Variants in TAF3 observed in about 807,000 individuals in gnomAD.
The protein encoded by TAF3 is transcription initiation factor TFIID subunit 3.
Under a neutral mutation model 80.6 loss-of-function variants are expected in TAF3, and 7 were observed. The ratio of observed to expected loss-of-function variants is 0.09; its 90% CI spans 0.05 to 0.16. The LOEUF is 0.16. Ranked by LOEUF, TAF3 falls within the 10% of genes least tolerant of loss-of-function variation. TAF3 has a pLI of 1.00. For synonymous variants in TAF3, 444 were observed against 446.1 expected (o/e 1.00, Z 0.06); for missense variants, 921 against 1,140.2 (o/e 0.81, Z 2.77).
intron 3 of TAF3, among the ~76,000 whole-genome samples, chr10:7,968,501 T>G (rs115013134): frequency 1.2e-4 from 18 of 152,352 alleles, no homozygotes; most frequent in African/African-American, 4.1e-4. Context: ...TTTTTTAGCT[T>G]CTTTAATCCT....
intron 2 of TAF3, among the ~76,000 whole-genome samples, chr10:7,887,550 C>G (rs1837420076): frequency 6.6e-6 from 1 of 151,984 alleles, no homozygotes; most frequent in Non-Finnish European, 1.5e-5. Flanking sequence ...GATGAGAGAG[C>G]AGAGTAGATG....
At chr10:7,820,658 C>T (rs2131095003) in intron 1 of TAF3, among the ~76,000 whole-genome samples, 1 of 152,242 alleles carries the variant, frequency 6.6e-6, no homozygotes, top group East Asian at 1.9e-4. Flanking sequence ...CCATGCCTGG[C>T]TAATCTTTTT....
intron 2 of TAF3, among the ~76,000 whole-genome samples, chr10:7,856,926 G>A (rs1482674730): frequency 6.7e-6 from 1 of 148,896 alleles, no homozygotes; most frequent in Non-Finnish European, 1.5e-5. Context: ...ATAAAAATGT[G>A]TAGTAAAACA....
chr10:7,852,140 A>G (rs1404894790), intron 2 of TAF3, among the ~76,000 whole-genome samples: 1 of 152,062 alleles, frequency 6.6e-6, no homozygotes, highest in African/African-American at 2.4e-5. Context: ...GCTGGAGTGC[A>G]GTGGTGTGAT....
chr10:7,865,433 C>T (rs1837201954), intron 2 of TAF3, among the ~76,000 whole-genome samples: 1 of 152,036 alleles, frequency 6.6e-6, no homozygotes, highest in Non-Finnish European at 1.5e-5. Context: ...GAGCCGAGAT[C>T]GCGCCTCTGC....
chr10:7,929,748 G>T (rs1837851298), intron 2 of TAF3, among the ~76,000 whole-genome samples: 1 of 152,070 alleles, frequency 6.6e-6, no homozygotes, highest in Non-Finnish European at 1.5e-5. Flanking sequence ...CAATAAATAA[G>T]AATATGGAGT....
At chr10:7,902,953 G>A (rs907458826) in intron 2 of TAF3, among the ~76,000 whole-genome samples, 4 of 151,928 alleles carry the variant, frequency 2.6e-5, no homozygotes, top group Admixed American at 1.3e-4. Context: ...AGTCATGCTT[G>A]TGCTCACCTA....
intron 6 of TAF3, 95 bp downstream of exon 6, chr10:8,013,932 C>A: frequency 2.8e-6 from 3 of 1,078,346 alleles, no homozygotes; most frequent in South Asian, 1.3e-5. Flanking sequence ...TGCCTTTGGA[C>A]TGACCCAGGG....
At chr10:7,824,065 A>G (rs958387336) in intron 1 of TAF3, among the ~76,000 whole-genome samples, 1 of 152,040 alleles carries the variant, frequency 6.6e-6, no homozygotes, top group East Asian at 1.9e-4. Context: ...AATTTGTTCT[A>G]TAATAGCTAA....
chr10:7,845,128 G>A (rs947992270), intron 2 of TAF3, among the ~76,000 whole-genome samples: 3 of 152,010 alleles, frequency 2.0e-5, no homozygotes, highest in African/African-American at 7.2e-5. Flanking sequence ...TGTCCCAGCA[G>A]TCTCCCTGGA....
At chr10:7,863,774 A>C (rs1837181153) in intron 2 of TAF3, among the ~76,000 whole-genome samples, 1 of 121,614 alleles carries the variant, frequency 8.2e-6, no homozygotes, top group African/African-American at 3.5e-5. Context: ...CACATGGCAC[A>C]TGTCTCCATT....
intron 2 of TAF3, 95 bp from the exon 3 acceptor site, chr10:7,963,825 A>G: frequency 8.0e-7 from 1 of 1,255,930 alleles, no homozygotes; most frequent in East Asian, 2.6e-5. Context: ...AAAGAAAGAA[A>G]AAAGAAATCA....
chr10:7,894,976 A>T (rs1319127455), intron 2 of TAF3, among the ~76,000 whole-genome samples: 1 of 152,084 alleles, frequency 6.6e-6, no homozygotes, highest in Non-Finnish European at 1.5e-5. Context: ...CCTGGGTTCA[A>T]ACAATTCACC....
chr10:7,959,277 TAAAC>T (rs1170716835), intron 2 of TAF3, among the ~76,000 whole-genome samples: 6 of 152,322 alleles, frequency 3.9e-5, no homozygotes, highest in Admixed American at 3.3e-4. Flanking sequence ...AAGTGTAAAT[TAAAC>T]AAATAAAAAT....
At chr10:7,912,866 T>C (rs17143098) in intron 2 of TAF3, among the ~76,000 whole-genome samples, 30,561 of 152,150 alleles carry the variant, frequency 0.2, 3,202 homozygotes, top group East Asian at 0.3. Flanking sequence ...GAATCCCTTA[T>C]GCTGGTTACC....
chr10:7,826,424 T>G (rs572471156), intron 2 of TAF3, among the ~76,000 whole-genome samples: 1 of 151,398 alleles, frequency 6.6e-6, no homozygotes, highest in South Asian at 2.1e-4. Flanking sequence ...TGAAGAAGTA[T>G]GAAAAACAAT....
chr10:7,903,100 C>G (rs1201051605), intron 2 of TAF3, among the ~76,000 whole-genome samples: 1 of 152,082 alleles, frequency 6.6e-6, no homozygotes, highest in Non-Finnish European at 1.5e-5. Flanking sequence ...CACACCCGTG[C>G]TCCCAGCTAC....
chr10:8,007,609 T>C (rs937549691), intron 4 of TAF3, among the ~76,000 whole-genome samples: 2,010 of 78,090 alleles, frequency 0.026, 31 homozygotes, highest in Non-Finnish European at 0.031. Context: ...TATATATATA[T>C]ACCTTTTTTT....
chr10:7,959,138 TCACACACACACACA>T (rs113376582), intron 2 of TAF3, among the ~76,000 whole-genome samples: 1 of 149,764 alleles, frequency 6.7e-6, no homozygotes, highest in Non-Finnish European at 1.5e-5. Flanking sequence ...AGATTCTGTC[TCACACACACACACA>T]CACACACACA....
Sources: allele counts gnomAD v4.1 joint callset (sites outside exome capture counted in the v4.1 genomes callset), GRCh38; gene constraint gnomAD v4.1.1; transcripts MANE v1.5; gene names NCBI Gene and HGNC (gene_info 2026-07-23, HGNC 2026-07-21).